TMEM260: variants seen among roughly 807,000 people sequenced by gnomAD.
The protein encoded by TMEM260 is transmembrane protein 260, also known as protein O-mannosyl-transferase TMEM260.
In TMEM260, 82 loss-of-function variants were observed where a neutral mutation model predicts 88.9. That is an observed-to-expected ratio of 0.92 (90% CI 0.77 to 1.11). The LOEUF is 1.11. TMEM260 is among the 50% of genes least tolerant of loss of function. The pLI, the probability that TMEM260 is intolerant of heterozygous loss-of-function variation, is 0.00. For synonymous variants in TMEM260, 314 were observed against 309.3 expected (o/e 1.02, Z -0.16); for missense variants, 902 against 853.4 (o/e 1.06, Z -0.71).
intron 15 of TMEM260, among the ~76,000 whole-genome samples, chr14:56,638,687 T>C (rs1176288310): frequency 6.6e-6 from 1 of 152,208 alleles, no homozygotes; most frequent in Admixed American, 6.5e-5. Context: ...CCCCCAGTGC[T>C]AGTTTTTCAA....
rs1885987117 is a variant in TMEM260 at position 56,593,397 on chromosome 14, T to G, written c.344+7485T>G. 2.0e-5 allele frequency: 3 copies of G among 152,194 alleles called. 1 individual carries two copies. Among genetic ancestry groups the G allele is most frequent in the Admixed American group, 6.5e-5 (1 of 15,284 alleles). 9.4% of individuals were successfully genotyped at this position (152,194 alleles called of 1,614,324 possible). A position where few individuals can be genotyped will look rare whatever the true frequency, so the allele number is the denominator to read the frequency against. On this transcript the variant is annotated intron_variant, in intron 3 of 15. Transcript: ENST00000261556. The stretch of plus-strand genomic sequence containing the variant: ...GTGTCTTTTTTTGTTGACTAAACAC[T>G]GTGCTCTCCTGGAATGTGAATTACG...
Position 56,633,129 on chromosome 14 carries a change from A to AACTT in TMEM260, c.1685_1688dup (p.Lys564TyrfsTer6). 1 of 1,613,574 alleles carries AACTT rather than the reference A, an allele frequency of 6.2e-7. No homozygotes were observed. Among genetic ancestry groups the AACTT allele is most frequent in the Non-Finnish European group, 8.5e-7 (1 of 1,179,724 alleles). ...GTATTCAACCCTGAGGAATGGATTA[A>AACTT]ACTTACAAAAAGTATCTATAACTGG... is the stretch of plus-strand genomic sequence containing the variant. On this transcript the variant is annotated frameshift_variant, in exon 13 of 16. Coordinates refer to ENST00000261556, the MANE Select transcript of TMEM260 (RefSeq NM_017799.4). LOFTEE classifies it high-confidence loss of function.
chr14:56,653,311 G>A (rs1311765580), downstream of TMEM260, among the ~76,000 whole-genome samples: 2 of 152,204 alleles, frequency 1.3e-5, no homozygotes, highest in African/African-American at 4.8e-5. Flanking sequence ...ACATATGCAT[G>A]TGTGTATAAC....
At chr14:56,652,489 CAAAAAA>C (rs34203722), downstream of TMEM260, among the ~76,000 whole-genome samples, 1 of 115,192 alleles carries the variant, frequency 8.7e-6, no homozygotes, top group Non-Finnish European at 1.8e-5. Flanking sequence ...CAGAGTGTCT[CAAAAAA>C]AAAAAAAAAA....
intron 13 of TMEM260, 83 bp downstream of exon 13, chr14:56,633,254 T>C (rs992856873): frequency 8.4e-7 from 1 of 1,190,418 alleles, no homozygotes. Context: ...TGAGATGCCT[T>C]CTAATTTTTT....
chr14:56,654,250 G>T (rs1391348931), downstream of TMEM260, among the ~76,000 whole-genome samples: 43 of 152,140 alleles, frequency 2.8e-4, no homozygotes, highest in South Asian at 1.7e-3. Context: ...GTTTTAGTGT[G>T]ACAAGAAAAA....
intron 1 of TMEM260, among the ~76,000 whole-genome samples, chr14:56,580,823 C>T (rs1008757525): frequency 6.6e-6 from 1 of 152,190 alleles, no homozygotes; most frequent in South Asian, 2.1e-4. Flanking sequence ...AATGCCATAT[C>T]ATGGCCAGTA....
intron 12 of TMEM260, among the ~76,000 whole-genome samples, chr14:56,626,175 A>G (rs1888233511): frequency 6.6e-6 from 1 of 152,240 alleles, no homozygotes; most frequent in African/African-American, 2.4e-5. Flanking sequence ...CTTATAAAGA[A>G]GACTTCAGAA....
chr14:56,647,954 TGA>T lies in TMEM260; in HGVS notation c.*461_*462del, dbSNP rs1043414867. On this transcript the variant is annotated 3_prime_UTR_variant, in exon 16 of 16. Transcript: ENST00000261556. Reference sequence around the variant, plus strand: ...AAAATGAATCATGTTAGGCTTTAGGTGAGAGTACATTTTTTACAAAGTAGCTA... The same window carrying T: ...AAAATGAATCATGTTAGGCTTTAGGTGAGTACATTTTTTACAAAGTAGCTA... 6.4e-6 allele frequency: 1 copy of T among 156,356 alleles called. No individual in the cohort carries two copies. The highest frequency in any genetic ancestry group is 2.4e-5 in the African/African-American group (1 of 41,526). The allele number at this position is 156,356 out of a possible 1,614,324, so 9.7% of individuals were successfully genotyped here.
At chr14:56,608,877 T>G (rs1315456588) in intron 5 of TMEM260, among the ~76,000 whole-genome samples, 1 of 152,204 alleles carries the variant, frequency 6.6e-6, no homozygotes, top group African/African-American at 2.4e-5. Flanking sequence ...TAATATTATT[T>G]GCTTCACTCA....
Position 56,634,904 on chromosome 14 carries a change from A to T in TMEM260, c.1730A>T (p.Asp577Val). ...CTGTTTTCTTGTAACTACAGGTTTG[A>T]TCCATCTTCTTGGGAATCTGTGGCC... is the stretch of plus-strand genomic sequence containing the variant. ...YNWTEEYGRF[D>V]PSSWESVANE... Residue 577 changes from aspartate to valine, a missense_variant, in exon 14 of 16, where the codon GAT becomes GTT. Physicochemically the swap from Asp to Val is radical, Grantham distance 152. Coordinates refer to ENST00000261556, the MANE Select transcript of TMEM260 (RefSeq NM_017799.4). 1 of 1,613,682 alleles carries T rather than the reference A, an allele frequency of 6.2e-7. No homozygotes were observed. Among genetic ancestry groups the T allele is most frequent in the Non-Finnish European group, 8.5e-7 (1 of 1,179,850 alleles).
chr14:56,651,734 T>C (rs1207579775), downstream of TMEM260, among the ~76,000 whole-genome samples: 1 of 152,192 alleles, frequency 6.6e-6, no homozygotes, highest in Non-Finnish European at 1.5e-5. Context: ...AGGATAAGTA[T>C]AATAAAAGAT....
At chr14:56,615,394 C>T (rs1887533386) in intron 7 of TMEM260, 1 of 152,066 alleles carries the variant, frequency 6.6e-6, no homozygotes, top group African/African-American at 2.4e-5. Flanking sequence ...TAATACATTT[C>T]TCTGAGATTG....
intron 15 of TMEM260, among the ~76,000 whole-genome samples, chr14:56,640,831 C>T (rs1026988944): frequency 2.6e-5 from 4 of 152,096 alleles, no homozygotes; most frequent in Non-Finnish European, 4.4e-5. Flanking sequence ...AACCACAGCA[C>T]GAGAACTACA....
At chr14:56,653,225 A>C (rs1050075239), downstream of TMEM260, among the ~76,000 whole-genome samples, 1 of 152,168 alleles carries the variant, frequency 6.6e-6, no homozygotes, top group Non-Finnish European at 1.5e-5. Flanking sequence ...AAATAAAAAA[A>C]TACCACAATG....
the TMEM260 span, among the ~76,000 whole-genome samples, chr14:56,659,263 T>TG: frequency 0.01 from 1,544 of 148,772 alleles, 34 homozygotes; most frequent in African/African-American, 0.036. Flanking sequence ...TGGTTTTTGT[T>TG]TTTTTTTTTT....
chr14:56,654,384 CA>C (rs2139671525), downstream of TMEM260, among the ~76,000 whole-genome samples: 1 of 152,216 alleles, frequency 6.6e-6, no homozygotes, highest in Non-Finnish European at 1.5e-5. Flanking sequence ...AAGTAGACAT[CA>C]AAACACAATC....
rs927245161 is a variant in TMEM260, at chr14:56,633,014, A to G, written c.1567A>G (p.Ile523Val). Reference sequence around the variant, plus strand: ...CAACAGAAAAGAAACATTTGTTTGCATAGGAATTCATGAAGGCGACCCAAC... The same window carrying G: ...CAACAGAAAAGAAACATTTGTTTGCGTAGGAATTCATGAAGGCGACCCAAC... ...VNKQKETFVC[I>V]GIHEGDPTWK... is the part of the protein sequence containing the mutation. The change falls in exon 13 of 16, where the codon ATA becomes GTA. Residue 523 changes from isoleucine (I) to valine (V), a missense_variant. By Grantham distance (29) the Ile-to-Val change is conservative. Coordinates refer to ENST00000261556, the MANE Select transcript of TMEM260 (RefSeq NM_017799.4). 3 of 1,613,876 alleles carry G rather than the reference A, an allele frequency of 1.9e-6. No individual in the cohort carries two copies. The highest frequency in any genetic ancestry group is 1.3e-5 in the African/African-American group (1 of 75,016).
At chr14:56,657,835 T>C in the TMEM260 span, among the ~76,000 whole-genome samples, 1 of 152,182 alleles carries the variant, frequency 6.6e-6, no homozygotes, top group East Asian at 1.9e-4. Context: ...ACCACACTTT[T>C]ATTTTGGCAC....
Sources: gnomAD v4.1 joint callset for allele counts (sites outside exome capture counted in the v4.1 genomes callset) on GRCh38, gnomAD v4.1.1 for gene constraint, MANE v1.5 for transcripts, NCBI Gene and HGNC (gene_info 2026-07-23, HGNC 2026-07-21) for gene names.